The following GALNTL6 variants were observed in gnomAD, a reference collection of about 807,000 sequenced individuals.
GALNTL6 encodes the protein polypeptide N-acetylgalactosaminyltransferase-like 6.
GALNTL6 carries 46 observed loss-of-function variants against 73.7 expected under a neutral mutation model. The ratio of observed to expected loss-of-function variants is 0.62; its 90% CI spans 0.49 to 0.80. The LOEUF (loss-of-function observed/expected upper bound fraction) is 0.80. Among genes scored for constraint, GALNTL6 ranks in the 30% least tolerant of loss-of-function variants. The probability of loss-of-function intolerance (pLI) is 0.00; values close to 1 mark genes in which losing one functional copy is unlikely to be tolerated. For synonymous variants in GALNTL6, 259 were observed against 263.7 expected, an observed-to-expected ratio of 0.98 and a Z score of 0.17; for missense variants, 604 against 755.0, an observed-to-expected ratio of 0.80 and a Z score of 2.34.
intron 7 of GALNTL6, among the ~76,000 whole-genome samples, chr4:172,838,871 ACC>A (rs1481563716): frequency 6.6e-6 from 1 of 152,196 alleles, no homozygotes; most frequent in Non-Finnish European, 1.5e-5. Flanking sequence ...AATCAGGTTA[ACC>A]CATCACCACA....
At chr4:171,851,873 G>C (rs1313849847) in intron 2 of GALNTL6, among the ~76,000 whole-genome samples, 1 of 152,176 alleles carries the variant, frequency 6.6e-6, no homozygotes, top group Non-Finnish European at 1.5e-5. Context: ...CCCCTTCAAA[G>C]TTAAAGATTT....
intron 2 of GALNTL6, among the ~76,000 whole-genome samples, chr4:172,051,557 T>A (rs763932456): frequency 6.6e-6 from 1 of 152,082 alleles, no homozygotes; most frequent in African/African-American, 2.4e-5. Flanking sequence ...TCTCTGATCA[T>A]CCCCAGCCAG....
intron 3 of GALNTL6, among the ~76,000 whole-genome samples, chr4:172,282,827 GT>G (rs1554010003): frequency 6.6e-6 from 1 of 151,852 alleles, no homozygotes; most frequent in Non-Finnish European, 1.5e-5. Context: ...GGAAGCCAGG[GT>G]TTGTAAGACA....
At chr4:172,468,720 G>A (rs1416021817) in intron 5 of GALNTL6, among the ~76,000 whole-genome samples, 1 of 152,188 alleles carries the variant, frequency 6.6e-6, no homozygotes, top group Non-Finnish European at 1.5e-5. Flanking sequence ...ATTAGAATTA[G>A]GAGAGAGACA....
At position 172,534,406 on chromosome 4, in the gene GALNTL6, T is replaced by C. The variant is rs530112670; in HGVS notation, c.553+185717T>C. Among the ~76,000 whole-genome samples the C allele has an allele frequency of 5.9e-5, 9 of 152,338 alleles. 1 individual carries two copies. In the South Asian group the frequency reaches 1.4e-3, roughly 25 times the overall value. ...GGCACTGTCAGAATCTGCCTCATCT[T>C]GAAATTTTATTTTCTGTGAAAGCAG... On this transcript the variant is annotated intron_variant, in intron 5 of 12. Transcript: ENST00000506823.
At chr4:172,441,198 A>G (rs1181714060) in intron 5 of GALNTL6, among the ~76,000 whole-genome samples, 2 of 152,116 alleles carry the variant, frequency 1.3e-5, no homozygotes, top group African/African-American at 4.8e-5. Flanking sequence ...TAAAGGTACT[A>G]TCTTCAATAC....
intron 5 of GALNTL6, among the ~76,000 whole-genome samples, chr4:172,477,259 A>G (rs1579108373): frequency 6.6e-6 from 1 of 150,842 alleles, no homozygotes. Context: ...ATTTAAAAAT[A>G]TTATAAAAAC....
intron 5 of GALNTL6, among the ~76,000 whole-genome samples, chr4:172,555,180 A>G (rs1279103121): frequency 6.6e-6 from 1 of 152,150 alleles, no homozygotes; most frequent in Non-Finnish European, 1.5e-5. Flanking sequence ...CAATTTTTAA[A>G]AATCTATCAA....
intron 2 of GALNTL6, among the ~76,000 whole-genome samples, chr4:172,092,179 A>G (rs1218162211): frequency 6.6e-6 from 1 of 152,204 alleles, no homozygotes; most frequent in Non-Finnish European, 1.5e-5. Flanking sequence ...CTTATGGACA[A>G]GACCTAAAAT....
chr4:172,893,146 C>G (rs1354175895), intron 8 of GALNTL6, among the ~76,000 whole-genome samples: 1 of 152,188 alleles, frequency 6.6e-6, no homozygotes, highest in Non-Finnish European at 1.5e-5. Context: ...GCCTGACCAG[C>G]TAGGCTTGTC....
At chr4:172,192,287 T>G (rs1292923482) in intron 2 of GALNTL6, among the ~76,000 whole-genome samples, 3 of 152,088 alleles carry the variant, frequency 2.0e-5, no homozygotes, top group Non-Finnish European at 4.4e-5. Flanking sequence ...ATGGTTTCGA[T>G]ATGCAAAGAC....
At chr4:172,617,767 C>T (rs1197137255) in intron 5 of GALNTL6, among the ~76,000 whole-genome samples, 1 of 152,142 alleles carries the variant, frequency 6.6e-6, no homozygotes, top group African/African-American at 2.4e-5. Context: ...AGGCGTGAGC[C>T]ACCGTGCCCA....
chr4:172,282,999 C>T (rs548879485), intron 3 of GALNTL6, among the ~76,000 whole-genome samples: 10 of 152,266 alleles, frequency 6.6e-5, no homozygotes, highest in African/African-American at 2.4e-4. Flanking sequence ...AATTTTGTTT[C>T]TCTTTGCTCT....
chr4:172,607,769 C>A (rs967426384), intron 5 of GALNTL6, among the ~76,000 whole-genome samples: 1 of 152,000 alleles, frequency 6.6e-6, no homozygotes, highest in African/African-American at 2.4e-5. Flanking sequence ...TATTTTTTTA[C>A]TTTTTAAAAA....
chr4:172,983,155 C>A (rs1237872360), intron 10 of GALNTL6, among the ~76,000 whole-genome samples: 1 of 152,074 alleles, frequency 6.6e-6, no homozygotes, highest in Non-Finnish European at 1.5e-5. Flanking sequence ...AAAAAGAGTC[C>A]TTGCAAGAGA....
At chr4:171,923,776 A>G (rs1737876385) in intron 2 of GALNTL6, among the ~76,000 whole-genome samples, 2 of 100,824 alleles carry the variant, frequency 2.0e-5, no homozygotes, top group South Asian at 3.7e-4. Flanking sequence ...AGGACACACA[A>G]AAAGTATTGC....
chr4:172,610,272 A>G (rs866995760), intron 5 of GALNTL6, among the ~76,000 whole-genome samples: 25 of 151,970 alleles, frequency 1.6e-4, no homozygotes, highest in Middle Eastern at 3.4e-3. Flanking sequence ...TCCTCTAGGA[A>G]CACCTAGAGT....
intron 5 of GALNTL6, among the ~76,000 whole-genome samples, chr4:172,451,847 A>G (rs528751615): frequency 6.6e-6 from 1 of 152,128 alleles, no homozygotes; most frequent in South Asian, 2.1e-4. Context: ...CTCTATAAAA[A>G]TGAAATTAAA....
chr4:172,294,548 C>T (rs1739595524), intron 3 of GALNTL6, among the ~76,000 whole-genome samples: 1 of 151,960 alleles, frequency 6.6e-6, no homozygotes, highest in Admixed American at 6.6e-5. Flanking sequence ...AAATCAAGCA[C>T]TTCTTGGGAA....
Sources: gnomAD v4.1 joint callset for allele counts (sites outside exome capture counted in the v4.1 genomes callset) on GRCh38, gnomAD v4.1.1 for gene constraint, MANE v1.5 for transcripts, NCBI Gene and HGNC (gene_info 2026-07-23, HGNC 2026-07-21) for gene names.